SLFN12L: variants seen among roughly 807,000 people sequenced by gnomAD.
SLFN12L encodes the protein schlafen family member 12 like.
A neutral mutation model predicts 34.8 loss-of-function variants in SLFN12L; 34 were observed. The observed-to-expected ratio is 0.98, with a 90% CI of 0.74 to 1.30. The LOEUF (loss-of-function observed/expected upper bound fraction) is 1.30, where lower values mean the gene tolerates loss of function less well. Among genes scored for constraint, SLFN12L ranks in the 50% most tolerant of loss-of-function variants. SLFN12L has a pLI of 0.00. For missense variants in SLFN12L, 703 were observed against 696.2 expected (o/e 1.01, Z -0.11); for synonymous variants, 259 against 247.5 (o/e 1.05, Z -0.44).
In SLFN12L at chr17:35,476,879, G is replaced by C. The variant is rs79182104; in HGVS notation, c.1276+1196C>G. ...AATCCATAATACTATACAAAATTAA[G>C]AGACAGGATAAAAATCAGAACAAAT... On this transcript the variant is annotated intron_variant, in intron 4 of 4. Coordinates refer to ENST00000628453, the MANE Select transcript of SLFN12L (RefSeq NM_001363830.2). Among the ~76,000 whole-genome samples the C allele has an allele frequency of 8.6e-3, 1,305 of 151,342 alleles. 9 individuals carry two copies. The highest frequency in any genetic ancestry group is 0.014 in the Non-Finnish European group (953 of 67,866).
At chr17:35,531,658 C>T (rs1265834811) in intron 1 of SLFN12L, among the ~76,000 whole-genome samples, 2 of 151,742 alleles carry the variant, frequency 1.3e-5, no homozygotes, top group South Asian at 4.2e-4. Context: ...CTCTTGTTGC[C>T]CAGGCTGGAG....
Position 35,522,191 on chromosome 17 carries a change from A to T in SLFN12L, c.86+88T>A, listed in dbSNP as rs1916017941. 6 of 1,532,046 alleles carry T rather than the reference A, an allele frequency of 3.9e-6. No individual in the cohort carries two copies. The Admixed American group carries it at 1.2e-4, about 31-fold the overall frequency. The allele number at this position is 1,532,046 out of a possible 1,614,324, so 94.9% of individuals were successfully genotyped here. On this transcript the variant is annotated intron_variant, in intron 2 of 4. Coordinates refer to ENST00000628453, the MANE Select transcript of SLFN12L (RefSeq NM_001363830.2). ...GTTTGTTGTCACAGATAATTTTACC[A>T]CTTAATTTTCAAGGGACAAGGTGAC...
chr17:35,484,765 A>G (rs1914509219), intron 2 of SLFN12L, among the ~76,000 whole-genome samples: 1 of 152,206 alleles, frequency 6.6e-6, no homozygotes, highest in Admixed American at 6.5e-5. Flanking sequence ...GATGGTGCTG[A>G]TAATGCTGAT....
chr17:35,522,915 G>A lies in SLFN12L; in HGVS notation c.-551C>T, dbSNP rs901936644. On this transcript the variant is annotated 5_prime_UTR_variant, in exon 2 of 5. Transcript: ENST00000628453. Reference sequence around the variant, plus strand: ...TAACTCCTCTAATCCTTCATTCTGTGAGGACAGCTCCTTCCAGAGGGATTC... The same window carrying A: ...TAACTCCTCTAATCCTTCATTCTGTAAGGACAGCTCCTTCCAGAGGGATTC... 2.5e-5 allele frequency: 16 copies of A among 647,272 alleles called. No individual in the cohort carries two copies. The Admixed American group carries it at 4.2e-4, about 17-fold the overall frequency. The allele number at this position is 647,272 out of a possible 1,614,324, so 40.1% of individuals were successfully genotyped here.
chr17:35,533,586 A>G lies in SLFN12L; in HGVS notation c.-606+3987T>C, dbSNP rs190477719. On this transcript the variant is annotated intron_variant, in intron 1 of 4. Transcript: ENST00000628453. ...TTGAGTTAAGATCTGAAGAATGCAA[A>G]TGAGGTGAAGAGTTAATTTGGTGAA... Among the ~76,000 whole-genome samples the G allele has an allele frequency of 4.4e-3, 670 of 152,348 alleles. 9 individuals are homozygous for G. Among genetic ancestry groups the G allele is most frequent in the African/African-American group, 0.016 (647 of 41,584 alleles).
rs138048886 is a variant in SLFN12L at position 35,525,973 on chromosome 17, G to A, written c.-605-3004C>T. Among the ~76,000 whole-genome samples, 49 of 152,268 alleles carry A rather than the reference G, an allele frequency of 3.2e-4. 1 individual carries two copies. Among genetic ancestry groups the A allele is most frequent in the Middle Eastern group, 6.8e-3 (2 of 294 alleles). Reference sequence around the variant, plus strand: ...TGTATTCAGGAGACCCACCTCACGTGCAAAGACACACATAGGCTCAAAATA... The same window carrying A: ...TGTATTCAGGAGACCCACCTCACGTACAAAGACACACATAGGCTCAAAATA... On this transcript the variant is annotated intron_variant, in intron 1 of 4. Coordinates refer to ENST00000628453, the MANE Select transcript of SLFN12L (RefSeq NM_001363830.2).
chr17:35,525,292 A>AAC (rs1374680826), intron 1 of SLFN12L, among the ~76,000 whole-genome samples: 6 of 152,200 alleles, frequency 3.9e-5, no homozygotes, highest in Non-Finnish European at 1.5e-5. Flanking sequence ...TCTTCAGGAT[A>AAC]TTATCCAAGA....
chr17:35,519,025 C>T (rs574439243), intron 2 of SLFN12L, among the ~76,000 whole-genome samples: 68 of 152,322 alleles, frequency 4.5e-4, no homozygotes, highest in Admixed American at 1.1e-3. Context: ...AGAATGAGTT[C>T]ATGTCCTTTG....
chr17:35,487,811 G>C (rs1308566404), intron 2 of SLFN12L: 1 of 1,478,256 alleles, frequency 6.8e-7, no homozygotes, highest in East Asian at 2.5e-5. Context: ...GTCCGTGTGC[G>C]GCTAGCCCCT....
In SLFN12L at chr17:35,468,715, C is replaced by T. The variant is rs993641158; in HGVS notation, c.*6208G>A. Reference sequence around the variant, plus strand: ...ATTTAATAGTAGTTACCACTACCTACGTCATTCTAAGAATTAATGGAGGGC... The same window carrying T: ...ATTTAATAGTAGTTACCACTACCTATGTCATTCTAAGAATTAATGGAGGGC... On this transcript the variant is annotated 3_prime_UTR_variant, in exon 5 of 5. Coordinates refer to ENST00000628453, the MANE Select transcript of SLFN12L (RefSeq NM_001363830.2). Among the ~76,000 whole-genome samples the T allele has an allele frequency of 3.3e-5, 5 of 152,182 alleles. No individual in the cohort carries two copies. Among genetic ancestry groups the T allele is most frequent in the Non-Finnish European group, 5.9e-5 (4 of 68,042 alleles).
In SLFN12L at chr17:35,469,421, A is replaced by C. The variant is rs1487283397; in HGVS notation, c.*5502T>G. Among the ~76,000 whole-genome samples the C allele has an allele frequency of 6.7e-6, 1 of 150,254 alleles. No homozygotes were observed. The highest frequency in any genetic ancestry group is 1.5e-5 in the Non-Finnish European group (1 of 67,670). ...TAGTAAAAACCTCCAAAAATTTCAG[A>C]TCTACTTTCTTGACTAATGACATGC... On this transcript the variant is annotated 3_prime_UTR_variant, in exon 5 of 5. Transcript: ENST00000628453.
intron 1 of SLFN12L, among the ~76,000 whole-genome samples, chr17:35,530,513 A>AAGG (rs2072397488): frequency 1.8e-4 from 6 of 32,576 alleles, no homozygotes; most frequent in African/African-American, 4.3e-4. Context: ...AGAAAGAAAG[A>AAGG]AAAGAAAAGA....
intron 2 of SLFN12L, among the ~76,000 whole-genome samples, chr17:35,494,889 T>TTTTATTTATTTATTTATTTA (rs3087173): frequency 6.8e-6 from 1 of 146,842 alleles, no homozygotes; most frequent in African/African-American, 2.5e-5. Flanking sequence ...AATTTATTTA[T>TTTTATTTATTTATTTATTTA]TTTATTTATT....
intron 2 of SLFN12L, among the ~76,000 whole-genome samples, chr17:35,494,032 A>G (rs1914944899): frequency 6.6e-6 from 1 of 152,114 alleles, no homozygotes; most frequent in African/African-American, 2.4e-5. Context: ...TGTGTATGAG[A>G]AGGAGGGATT....
At chr17:35,514,311 A>C (rs1209274044) in intron 2 of SLFN12L, among the ~76,000 whole-genome samples, 1 of 152,248 alleles carries the variant, frequency 6.6e-6, no homozygotes, top group Non-Finnish European at 1.5e-5. Context: ...GATTAAATGG[A>C]ATCATCACCT....
At chr17:35,506,308 C>T (rs976782899) in intron 2 of SLFN12L, among the ~76,000 whole-genome samples, 2 of 152,162 alleles carry the variant, frequency 1.3e-5, no homozygotes, top group Non-Finnish European at 2.9e-5. Context: ...AAAATAAGTA[C>T]ATTTGTCATG....
At chr17:35,516,119 C>T (rs1915820662) in intron 2 of SLFN12L, among the ~76,000 whole-genome samples, 1 of 152,138 alleles carries the variant, frequency 6.6e-6, no homozygotes, top group Non-Finnish European at 1.5e-5. Context: ...TCCTTATTTT[C>T]TAATATCCAC....
Position 35,475,450 on chromosome 17 carries a change from A to G in SLFN12L, c.1312T>C (p.Phe438Leu), listed in dbSNP as rs1268310870. The change falls in exon 5 of 5, where the codon TTC becomes CTC. Residue 438 changes from phenylalanine to leucine, a missense_variant. Physicochemically the swap from Phe to Leu is conservative, Grantham distance 22 (BLOSUM62 0). Coordinates refer to ENST00000628453, the MANE Select transcript of SLFN12L (RefSeq NM_001363830.2). Reference sequence around the variant, plus strand: ...TGTTGTGAGAACAGATTTCTGCAGAAGGTTTTTGGAGCACAAGTTATCTTT... The same window carrying G: ...TGTTGTGAGAACAGATTTCTGCAGAGGGTTTTTGGAGCACAAGTTATCTTT... The part of the protein sequence containing the change: ...SEKITCAPKT[F>L]CRNLFSQHEG... 6.2e-7 allele frequency: 1 copy of G among 1,611,558 alleles called. No homozygotes were observed. Among genetic ancestry groups the G allele is most frequent in the Non-Finnish European group, 8.5e-7 (1 of 1,179,168 alleles).
chr17:35,533,429 G>A (rs187520820), intron 1 of SLFN12L, among the ~76,000 whole-genome samples: 19 of 152,330 alleles, frequency 1.2e-4, no homozygotes, highest in South Asian at 4.1e-4. Context: ...TCTTGAGGAG[G>A]TTGACAGTAA....
Sources: gnomAD v4.1 joint callset for allele counts (sites outside exome capture counted in the v4.1 genomes callset) on GRCh38, gnomAD v4.1.1 for gene constraint, MANE v1.5 for transcripts, NCBI Gene and HGNC (gene_info 2026-07-23, HGNC 2026-07-21) for gene names.